Variants in ARHGEF18 observed in about 807,000 individuals in gnomAD.
The protein encoded by ARHGEF18 is Rho/Rac guanine nucleotide exchange factor 18.
ARHGEF18 carries 93 observed loss-of-function variants against 155.7 expected under a neutral mutation model. That is an observed-to-expected ratio of 0.60 (90% CI 0.50 to 0.71). The LOEUF is 0.71. Ranked by LOEUF, ARHGEF18 falls within the 30% of genes least tolerant of loss-of-function variation. ARHGEF18 has a pLI of 0.00. For missense variants in ARHGEF18, 1,593 were observed against 1,816.1 expected (o/e 0.88, Z 2.23); for synonymous variants, 742 against 753.1 (o/e 0.99, Z 0.24).
chr19:7,434,659 A>G (rs1307300837), intron 10 of ARHGEF18, among the ~76,000 whole-genome samples: 1 of 152,186 alleles, frequency 6.6e-6, no homozygotes, highest in African/African-American at 2.4e-5. Context: ...AGCAGGAGAT[A>G]AATATGTATC....
chr19:7,386,899 G>A (rs1025651857), intron 10 of ARHGEF18, among the ~76,000 whole-genome samples: 6 of 152,042 alleles, frequency 3.9e-5, no homozygotes, highest in African/African-American at 1.2e-4. Flanking sequence ...CACTCTGGGC[G>A]CTGCAAAGAC....
chr19:7,362,353 G>GGGGAGA lies in ARHGEF18; in HGVS notation c.-110-428_-110-427insGGGAGA, dbSNP rs1555698251. Among the ~76,000 whole-genome samples, 653 of 142,898 alleles carry GGGGAGA rather than the reference G, an allele frequency of 4.6e-3. 1 individual carries two copies. The highest frequency in any genetic ancestry group is 7.2e-3 in the Middle Eastern group (2 of 278). The allele number at this position is 142,898 out of a possible 152,430, so 93.7% of individuals were successfully genotyped here. On this transcript the variant is annotated intron_variant, in intron 1 of 28. Transcript: ENST00000668164. ...GGAGGAGGAGGAGGAAGAGGAGGAG[G>GGGGAGA]AGGAAAAACAATGTGGGCATTGGGT...
At position 7,453,799 on chromosome 19, in the gene ARHGEF18, A is replaced by G. The variant is rs1975654985; in HGVS notation, c.2104+84A>G. 4.8e-6 allele frequency: 7 copies of G among 1,444,150 alleles called. No homozygotes were observed. In the South Asian group the frequency reaches 1.1e-4, roughly 23 times the overall value. The allele number at this position is 1,444,150 out of a possible 1,614,324, so 89.5% of individuals were successfully genotyped here. ...CTTGGAGTGGTGGGCACTGTCTTAG[A>G]TTAGTGGCACCATCTTGTATCAGTG... On this transcript the variant is annotated intron_variant, in intron 17 of 28. Coordinates refer to ENST00000668164, the MANE Select transcript of ARHGEF18 (RefSeq NM_001367823.1).
In ARHGEF18 at chr19:7,441,657, AT is replaced by A; in HGVS notation, c.1112del (p.Ile371ThrfsTer13). 2 of 1,613,954 alleles carry A rather than the reference AT, an allele frequency of 1.2e-6. No individual in the cohort carries two copies. The highest frequency in any genetic ancestry group is 1.7e-6 in the Non-Finnish European group (2 of 1,179,828). On this transcript the variant is annotated frameshift_variant, in exon 12 of 29. Coordinates refer to ENST00000668164, the MANE Select transcript of ARHGEF18 (RefSeq NM_001367823.1). LOFTEE classifies it high-confidence loss of function. ...GTTTTTATTGTTTGCACTCAGACCAATCACAGGAGAGATGGATGAAGCCGAT... is the reference window on the plus strand; with the variant it reads ...GTTTTTATTGTTTGCACTCAGACCAACACAGGAGAGATGGATGAAGCCGAT... ...PAGPGTQLGP[I>X]TGEMDEADSA...
intron 10 of ARHGEF18, among the ~76,000 whole-genome samples, chr19:7,427,631 G>A: frequency 6.7e-6 from 1 of 148,316 alleles, no homozygotes. Flanking sequence ...GATGACAGAG[G>A]GAGACCCTGT....
At chr19:7,390,063 G>A (rs1733265509) in intron 10 of ARHGEF18, among the ~76,000 whole-genome samples, 1 of 152,038 alleles carries the variant, frequency 6.6e-6, no homozygotes, top group Admixed American at 6.6e-5. Context: ...AGGTGTGGTG[G>A]CACTCGCCTA....
intron 10 of ARHGEF18, among the ~76,000 whole-genome samples, chr19:7,385,115 A>G (rs181289463): frequency 1.3e-3 from 205 of 152,324 alleles, no homozygotes; most frequent in Middle Eastern, 6.8e-3. Flanking sequence ...AGCTGTGCTC[A>G]GTCTATCTTA....
At chr19:7,379,078 T>C (rs902109583) in intron 6 of ARHGEF18, 44 bp from the exon 7 acceptor site, 3 of 1,230,350 alleles carry the variant, frequency 2.4e-6, no homozygotes, top group African/African-American at 3.1e-5. Flanking sequence ...GTCTGTAACC[T>C]GGAGCTACCA....
rs377614134 is a variant in ARHGEF18 at position 7,439,803 on chromosome 19, T to G, written c.968-541T>G. The G allele has an allele frequency of 2.0e-3, 2,880 of 1,433,642 alleles. 15 individuals are homozygous for G. The highest frequency in any genetic ancestry group is 8.3e-3 in the Middle Eastern group (32 of 3,850). 88.8% of individuals were successfully genotyped at this position (1,433,642 alleles called of 1,614,324 possible). A position where few individuals can be genotyped will look rare whatever the true frequency, so the allele number is the denominator to read the frequency against. On this transcript the variant is annotated intron_variant, in intron 10 of 28. Coordinates refer to ENST00000668164, the MANE Select transcript of ARHGEF18 (RefSeq NM_001367823.1). ...GCACGCCAGGCTCACCGTTTCATGA[T>G]CTTAGACTATTTACAGCAAACTCAA...
At chr19:7,441,854 G>T in intron 12 of ARHGEF18, 58 bp from the exon 13 acceptor site, 1 of 1,613,134 alleles carries the variant, frequency 6.2e-7, no homozygotes, top group Middle Eastern at 1.7e-4. Context: ...GTCTACGGGA[G>T]GGAATTGGGG....
downstream of ARHGEF18, among the ~76,000 whole-genome samples, chr19:7,476,334 A>G (rs1197670515): frequency 6.8e-6 from 1 of 147,344 alleles, no homozygotes; most frequent in African/African-American, 2.6e-5. Context: ...AGGCAGTGCA[A>G]TTGATATCAC....
Position 7,471,058 on chromosome 19 carries a change from A to AG in ARHGEF18, c.*763dup, listed in dbSNP as rs2145928108. ...GCTGTTTCCCAAACTCTGCTTCCCA[A>AG]GGGCAACCGTTGCTGTTCACACGCT... On this transcript the variant is annotated 3_prime_UTR_variant, in exon 29 of 29. Coordinates refer to ENST00000668164, the MANE Select transcript of ARHGEF18 (RefSeq NM_001367823.1). This position sits in a 1 kb window ranked among gnomAD's most constrained non-coding sequence, Gnocchi z 4.4. 2 of 366,002 alleles carry AG rather than the reference A, an allele frequency of 5.5e-6. No homozygotes were observed. The highest frequency in any genetic ancestry group is 3.0e-4 in the South Asian group (2 of 6,712). The allele number at this position is 366,002 out of a possible 1,614,324, so 22.7% of individuals were successfully genotyped here. A position where few individuals can be genotyped will look rare whatever the true frequency, so the allele number is the denominator to read the frequency against.
At chr19:7,380,061 T>TG (rs893740064) in intron 7 of ARHGEF18, among the ~76,000 whole-genome samples, 14 of 149,646 alleles carry the variant, frequency 9.4e-5, no homozygotes, top group Non-Finnish European at 1.9e-4. Context: ...CCAGCTACTC[T>TG]GGGGGGTGTG....
intron 10 of ARHGEF18, among the ~76,000 whole-genome samples, chr19:7,394,437 C>G (rs1385359363): frequency 6.6e-6 from 1 of 151,916 alleles, no homozygotes; most frequent in Admixed American, 6.6e-5. Flanking sequence ...ACTGGGAGTG[C>G]CCCCCTTAGG....
At chr19:7,476,536 G>A (rs998676279), downstream of ARHGEF18, among the ~76,000 whole-genome samples, 1 of 152,270 alleles carries the variant, frequency 6.6e-6, no homozygotes, top group South Asian at 2.1e-4. Flanking sequence ...AGCGATGCCA[G>A]TGTGTGTTGC....
In ARHGEF18 at chr19:7,453,619, A is replaced by G; in HGVS notation, c.2008A>G (p.Lys670Glu). ...KMDLKSSSKL[K>E]NGLTFRKEDM... ...GGACCTGAAGTCTTCCAGCAAACTC[A>G]AGAACGGGCTCACCTTCCGCAAGGA... The change falls in exon 17 of 29, where the codon AAG becomes GAG. Residue 670 changes from lysine to glutamate, a missense_variant. Transcript: ENST00000668164. 1 of 1,613,174 alleles carries G rather than the reference A, an allele frequency of 6.2e-7. No homozygotes were observed. The highest frequency in any genetic ancestry group is 2.2e-5 in the East Asian group (1 of 44,844).
rs950689670 is a variant in ARHGEF18, at chr19:7,444,899, A to G, written c.1611+445A>G. Among the ~76,000 whole-genome samples, 10 of 152,046 alleles carry G rather than the reference A, an allele frequency of 6.6e-5. No homozygotes were observed. Among genetic ancestry groups the G allele is most frequent in the East Asian group, 3.9e-4 (2 of 5,176 alleles). On this transcript the variant is annotated intron_variant, in intron 14 of 28. Transcript: ENST00000668164. The surrounding 1 kb of genome is among the most constrained non-coding windows in gnomAD (Gnocchi z 4.7). ...GCAATCCCCCTGCCTCGGCATCCCA[A>G]AGTGCAGGGATCACAGGCATGAGCC...
intron 16 of ARHGEF18, among the ~76,000 whole-genome samples, chr19:7,452,346 A>G (rs1241271625): frequency 2.6e-5 from 4 of 152,194 alleles, no homozygotes; most frequent in Admixed American, 6.5e-5. Flanking sequence ...TCGCTTCACC[A>G]CTGAATTCAG....
intron 13 of ARHGEF18, among the ~76,000 whole-genome samples, 173 bp downstream of exon 13, chr19:7,442,225 CTCTT>C (rs137965807): frequency 1.6e-4 from 23 of 148,320 alleles, no homozygotes; most frequent in African/African-American, 4.0e-4. Flanking sequence ...TCCTCTTTCT[CTCTT>C]TCTTTCTTTC....
Sources: allele counts gnomAD v4.1 joint callset (sites outside exome capture counted in the v4.1 genomes callset), GRCh38; gene constraint gnomAD v4.1.1; non-coding constraint Gnocchi (gnomAD v3.1); transcripts MANE v1.5; gene names NCBI Gene and HGNC (gene_info 2026-07-23, HGNC 2026-07-21).